USH2A: variants seen among roughly 807,000 people sequenced by gnomAD.
USH2A encodes the protein Usher syndrome 2A (autosomal recessive, mild).
In USH2A, 443 loss-of-function variants were observed where a neutral mutation model predicts 538.9. The observed-to-expected ratio is 0.82, with a 90% CI of 0.76 to 0.89. USH2A has a LOEUF of 0.89. Ranked by LOEUF, USH2A falls within the 40% of genes least tolerant of loss-of-function variation. USH2A has a pLI of 0.00. For missense variants in USH2A, 6,633 were observed against 6,324.8 expected (o/e 1.05, Z -1.65); for synonymous variants, 2,413 against 2,273.5 (o/e 1.06, Z -1.75).
rs531507711 is a variant in USH2A, at chr1:216,247,027, G to A, written c.2367C>T (p.Val789=). Residue 789 remains valine, a synonymous_variant, in exon 13 of 72, where the codon GTC becomes GTT. Coordinates refer to ENST00000307340, the MANE Select transcript of USH2A (RefSeq NM_206933.4). ...TCRENFYGLD[V]TNCKACDCDT... ...CACAGTCACAGGCCTTACAATTGGT[G>A]ACATCTAACCCATAAAAGTTTTCTC... 3.1e-6 allele frequency: 5 copies of A among 1,614,032 alleles called. No homozygotes were observed. The highest frequency in any genetic ancestry group is 2.2e-5 in the South Asian group (2 of 91,072).
intron 4 of USH2A, among the ~76,000 whole-genome samples, chr1:216,330,191 C>T (rs1453902971): frequency 6.6e-6 from 1 of 152,094 alleles, no homozygotes. Context: ...CTATTATGTG[C>T]CAGGCACTTT....
chr1:216,165,954 T>G (rs2102632541), intron 21 of USH2A, among the ~76,000 whole-genome samples: 1 of 152,190 alleles, frequency 6.6e-6, no homozygotes, highest in South Asian at 2.1e-4. Context: ...TTTTTATCCC[T>G]CACCCCATCC....
chr1:215,814,087 T>C (rs1472995186), intron 48 of USH2A, among the ~76,000 whole-genome samples, 183 bp from the exon 49 acceptor site: 1 of 150,926 alleles, frequency 6.6e-6, no homozygotes, highest in African/African-American at 2.4e-5. Context: ...TGTTATTTGA[T>C]AGAATGCAGC....
intron 64 of USH2A, among the ~76,000 whole-genome samples, chr1:215,656,596 T>C (rs1346476013): frequency 6.6e-6 from 1 of 152,216 alleles, no homozygotes; most frequent in Non-Finnish European, 1.5e-5. Context: ...GTCTTTACGC[T>C]TGGAGCAATT....
At position 216,073,877 on chromosome 1, in the gene USH2A, C is replaced by A. The variant is rs553179297; in HGVS notation, c.5573-577G>T. Among the ~76,000 whole-genome samples, 4 of 152,282 alleles carry A rather than the reference C, an allele frequency of 2.6e-5. No individual in the cohort carries two copies. In the South Asian group the frequency reaches 8.3e-4, roughly 32 times the overall value. On this transcript the variant is annotated intron_variant, in intron 27 of 71. Transcript: ENST00000307340. ...CACTTCAGAGGTATAGAATTTAGCCCGAGTTACATCAGCCTACAGAAGAGC... is the reference window on the plus strand; with the variant it reads ...CACTTCAGAGGTATAGAATTTAGCCAGAGTTACATCAGCCTACAGAAGAGC...
At chr1:216,359,346 A>C (rs1430703854) in intron 4 of USH2A, among the ~76,000 whole-genome samples, 1 of 152,092 alleles carries the variant, frequency 6.6e-6, no homozygotes, top group Non-Finnish European at 1.5e-5. Flanking sequence ...ACTATACAAC[A>C]AGCAACTTAT....
intron 21 of USH2A, 69 bp downstream of exon 21, chr1:216,175,183 G>A (rs557627678): frequency 5.5e-5 from 88 of 1,601,400 alleles, no homozygotes; most frequent in Admixed American, 2.5e-4. Flanking sequence ...ATTGTAAAGG[G>A]ATATGAAAAT....
chr1:216,229,285 G>A (rs1447234854), intron 14 of USH2A, among the ~76,000 whole-genome samples: 1 of 151,268 alleles, frequency 6.6e-6, no homozygotes, highest in Non-Finnish European at 1.5e-5. Flanking sequence ...CATTCTTTTT[G>A]CGAATCTGAA....
chr1:216,340,090 T>A (rs1232263260), intron 4 of USH2A, among the ~76,000 whole-genome samples: 3 of 150,456 alleles, frequency 2.0e-5, no homozygotes, highest in African/African-American at 7.3e-5. Context: ...CAAAATAGAC[T>A]GCTAGCTAGA....
intron 47 of USH2A, among the ~76,000 whole-genome samples, chr1:215,820,595 A>T (rs1288708774): frequency 6.6e-6 from 1 of 151,844 alleles, no homozygotes; most frequent in African/African-American, 2.4e-5. Context: ...AACAACATTT[A>T]AATTATTCCC....
chr1:215,783,018 T>A, intron 52 of USH2A, 83 bp from the exon 53 acceptor site: 1 of 1,340,786 alleles, frequency 7.5e-7, no homozygotes, highest in South Asian at 1.4e-5. Flanking sequence ...TCAAAAACTT[T>A]AGACATTTAA....
Position 216,199,906 on chromosome 1 carries a change from G to C in USH2A, c.3532C>G (p.Pro1178Ala), listed in dbSNP as rs372081834. Residue 1178 changes from proline to alanine, a missense_variant, in exon 17 of 72, where the codon CCC (proline) becomes GCC (alanine). Coordinates refer to ENST00000307340, the MANE Select transcript of USH2A (RefSeq NM_206933.4). ...TWTTLSNQSG[P>A]IEKYILSCAP... is the part of the protein sequence containing the mutation. ...CAGGACAAAATATATTTCTCTATGG[G>C]ACCAGATTGATTTGAGAGTGTTGTC... 6.8e-4 allele frequency: 1,098 copies of C among 1,614,106 alleles called. 13 individuals carry two copies. In the South Asian group the frequency reaches 0.012, roughly 17 times the overall value.
At position 216,304,442 on chromosome 1, in the gene USH2A, C is replaced by T. The variant is rs908816294; in HGVS notation, c.1645-12072G>A. Among the ~76,000 whole-genome samples the T allele has an allele frequency of 5.9e-5, 9 of 151,930 alleles. No homozygotes were observed. The East Asian group carries it at 9.6e-4, about 16-fold the overall frequency. Reference sequence around the variant, plus strand: ...ACTTTTGCACTTTGTGGTTTGACAGCAAATCTAGCACTAATTTCTTTTTTT... The same window carrying T: ...ACTTTTGCACTTTGTGGTTTGACAGTAAATCTAGCACTAATTTCTTTTTTT... On this transcript the variant is annotated intron_variant, in intron 9 of 71. Transcript: ENST00000307340.
intron 61 of USH2A, among the ~76,000 whole-genome samples, chr1:215,682,280 G>A (rs1265274573): frequency 6.6e-6 from 1 of 152,194 alleles, no homozygotes; most frequent in East Asian, 1.9e-4. Context: ...GTGGGCTGCT[G>A]GGGGACATTT....
At chr1:215,718,021 T>C (rs1558067706) in intron 61 of USH2A, among the ~76,000 whole-genome samples, 1 of 152,174 alleles carries the variant, frequency 6.6e-6, no homozygotes, top group Non-Finnish European at 1.5e-5. Context: ...TTATACAAAT[T>C]TAAACCCTCT....
intron 24 of USH2A, 44 bp downstream of exon 24, chr1:216,086,675 T>G: frequency 7.2e-7 from 1 of 1,391,352 alleles, no homozygotes; most frequent in Non-Finnish European, 1.0e-6. Flanking sequence ...CAGGTTCTAT[T>G]CTAAGTTTGG....
At chr1:216,318,332 C>T (rs1025435767) in intron 9 of USH2A, among the ~76,000 whole-genome samples, 2 of 152,070 alleles carry the variant, frequency 1.3e-5, no homozygotes, top group African/African-American at 4.8e-5. Context: ...TATATTAAAA[C>T]GTATAATTTT....
intron 49 of USH2A, among the ~76,000 whole-genome samples, chr1:215,811,931 AC>A (rs1410392488): frequency 4.0e-5 from 6 of 151,376 alleles, no homozygotes; most frequent in Non-Finnish European, 7.4e-5. Flanking sequence ...AAATAAAAAA[AC>A]AAACAAAAAA....
intron 61 of USH2A, among the ~76,000 whole-genome samples, chr1:215,712,617 TTGGC>T (rs1422440824): frequency 1.1e-4 from 16 of 151,636 alleles, no homozygotes; most frequent in African/African-American, 3.9e-4. Context: ...GGCTGGCCTC[TTGGC>T]TGGCCTTGTC....
Sources: gnomAD v4.1 joint callset for allele counts (sites outside exome capture counted in the v4.1 genomes callset) on GRCh38, gnomAD v4.1.1 for gene constraint, MANE v1.5 for transcripts, NCBI Gene and HGNC (gene_info 2026-07-23, HGNC 2026-07-21) for gene names.